HIKESHI: variants seen among roughly 807,000 people sequenced by gnomAD.
HIKESHI encodes the protein protein Hikeshi.
In HIKESHI, 13 loss-of-function variants were observed where a neutral mutation model predicts 25.7. That is an observed-to-expected ratio of 0.51 (90% CI 0.33 to 0.80). The LOEUF is 0.80. Ranked by LOEUF, HIKESHI falls within the 30% of genes least tolerant of loss-of-function variation. The pLI is 0.02. For missense variants in HIKESHI, 174 were observed against 229.5 expected (o/e 0.76, Z 1.56); for synonymous variants, 76 against 78.7 (o/e 0.97, Z 0.18).
At chr11:86,326,979 T>C (rs1321700382) in intron 2 of HIKESHI, among the ~76,000 whole-genome samples, 1 of 152,150 alleles carries the variant, frequency 6.6e-6, no homozygotes, top group Non-Finnish European at 1.5e-5. Flanking sequence ...TAGTCCTAAC[T>C]ACTCGGGAGG....
Position 86,342,478 on chromosome 11 carries a change from CGTGTGTGTGTGTGTGTGTGTGT to C in HIKESHI, c.421-2102_421-2081del, listed in dbSNP as rs34980731. 3.0e-3 allele frequency among the ~76,000 whole-genome samples: 443 copies of C among 147,356 alleles called. 3 individuals are homozygous for C. The highest frequency in any genetic ancestry group is 5.3e-3 in the Non-Finnish European group (351 of 66,544). Reference sequence around the variant, plus strand: ...TGATATGTAAAGATATAAAGATGTTCGTGTGTGTGTGTGTGTGTGTGTGTGTGTGTGTGTGTGTGTGTGTAGA... The same window carrying C: ...TGATATGTAAAGATATAAAGATGTTCGTGTGTGTGTGTGTGTGTGTGTAGA... On this transcript the variant is annotated intron_variant, in intron 3 of 4. Coordinates refer to ENST00000278483, the MANE Select transcript of HIKESHI (RefSeq NM_016401.4).
rs1946623356 is a variant in HIKESHI, at chr11:86,306,356, G to A, written c.142G>A (p.Glu48Lys). The change falls in exon 2 of 5, where the codon GAG becomes AAG. Residue 48 changes from glutamate (E) to lysine (K), a missense_variant. Coordinates refer to ENST00000278483, the MANE Select transcript of HIKESHI (RefSeq NM_016401.4). Reference protein sequence around the residue: ...VFMLGTIPFPEGMGGSVYFSY... With the variant: ...VFMLGTIPFPKGMGGSVYFSY... ...TATGCTGGGAACAATCCCATTTCCTGAGGGAATGGGAGGATCTGTCTACTT... is the reference window on the plus strand; with the variant it reads ...TATGCTGGGAACAATCCCATTTCCTAAGGGAATGGGAGGATCTGTCTACTT... 5 of 1,611,334 alleles carry A rather than the reference G, an allele frequency of 3.1e-6. No individual in the cohort carries two copies. The highest frequency in any genetic ancestry group is 4.2e-6 in the Non-Finnish European group (5 of 1,177,424).
At chr11:86,335,799 A>T (rs545478563) in intron 2 of HIKESHI, among the ~76,000 whole-genome samples, 9 of 152,360 alleles carry the variant, frequency 5.9e-5, no homozygotes, top group African/African-American at 2.2e-4. Context: ...CAGCAACAAC[A>T]AACCCCTAGA....
chr11:86,311,598 C>G (rs291204), intron 2 of HIKESHI, among the ~76,000 whole-genome samples: 94,175 of 151,898 alleles, frequency 0.62, 29,379 homozygotes, highest in East Asian at 0.79. Context: ...TTGCCTTCTG[C>G]TAGCTTTTGA....
At chr11:86,321,394 C>T (rs758680909) in intron 2 of HIKESHI, among the ~76,000 whole-genome samples, 11 of 152,140 alleles carry the variant, frequency 7.2e-5, no homozygotes, top group African/African-American at 9.7e-5. Flanking sequence ...AACAGTTGTC[C>T]GCAAATCTTT....
rs1565746825 is a variant in HIKESHI, at chr11:86,344,741, T to C, written c.539+20T>C. ...GAAATGGTATGAGGCATTTTCTGTC[T>C]CCAATATTAAGGCTTTTTATAACTG... is the stretch of plus-strand genomic sequence containing the variant. On this transcript the variant is annotated intron_variant, in intron 4 of 4. Coordinates refer to ENST00000278483, the MANE Select transcript of HIKESHI (RefSeq NM_016401.4). 1.4e-6 allele frequency: 2 copies of C among 1,475,200 alleles called. No individual in the cohort carries two copies. The highest frequency in any genetic ancestry group is 1.9e-6 in the Non-Finnish European group (2 of 1,056,750). The allele number at this position is 1,475,200 out of a possible 1,614,324, so 91.4% of individuals were successfully genotyped here. A position where few individuals can be genotyped will look rare whatever the true frequency, so the allele number is the denominator to read the frequency against.
At chr11:86,344,343 TA>T in intron 3 of HIKESHI, 1 of 336,700 alleles carries the variant, frequency 3.0e-6, no homozygotes, top group Non-Finnish European at 5.3e-6. Context: ...TATTTAATTT[TA>T]TTTTTTTGAC....
chr11:86,338,802 G>A (rs1310438711), intron 3 of HIKESHI, among the ~76,000 whole-genome samples: 2 of 151,978 alleles, frequency 1.3e-5, no homozygotes, highest in Non-Finnish European at 1.5e-5. Flanking sequence ...TAAAATAATC[G>A]TAGTATCCTG....
intron 2 of HIKESHI, among the ~76,000 whole-genome samples, chr11:86,336,978 C>G (rs1947580831): frequency 6.6e-6 from 1 of 151,256 alleles, no homozygotes; most frequent in Non-Finnish European, 1.5e-5. Context: ...ATTATATACT[C>G]AGCAAAACTG....
intron 2 of HIKESHI, among the ~76,000 whole-genome samples, chr11:86,318,008 G>A (rs1205586840): frequency 6.6e-6 from 1 of 152,004 alleles, no homozygotes; most frequent in Non-Finnish European, 1.5e-5. Context: ...TTCAAGAGTA[G>A]ATTGAAATCC....
intron 1 of HIKESHI, 134 bp downstream of exon 1, chr11:86,302,612 G>C (rs1946526269): frequency 2.0e-6 from 2 of 990,496 alleles, no homozygotes; most frequent in Non-Finnish European, 3.0e-6. Context: ...TGTGAGGATG[G>C]AGCGTGGGAA....
intron 2 of HIKESHI, 50 bp downstream of exon 2, chr11:86,306,532 T>A: frequency 9.1e-7 from 1 of 1,102,156 alleles, no homozygotes; most frequent in Non-Finnish European, 1.3e-6. Flanking sequence ...ACTTTTTTCT[T>A]AAATAGCATA....
chr11:86,326,474 T>A (rs1947285623), intron 2 of HIKESHI: 1 of 455,264 alleles, frequency 2.2e-6, no homozygotes, highest in East Asian at 6.9e-5. Context: ...AAATTTTCTG[T>A]TTATGTAGTG....
chr11:86,333,490 G>A (rs1593860119), intron 2 of HIKESHI, among the ~76,000 whole-genome samples: 4 of 151,280 alleles, frequency 2.6e-5, no homozygotes, highest in South Asian at 2.1e-4. Context: ...AGCCAAGATC[G>A]TCCTACCGCA....
intron 1 of HIKESHI, among the ~76,000 whole-genome samples, chr11:86,305,772 C>T (rs902961073): frequency 6.6e-6 from 1 of 151,612 alleles, no homozygotes; most frequent in African/African-American, 2.4e-5. Context: ...GACAGTTTTG[C>T]TCTTGTTGCC....
At chr11:86,321,517 A>T (rs192935698) in intron 2 of HIKESHI, among the ~76,000 whole-genome samples, 3 of 150,778 alleles carry the variant, frequency 2.0e-5, no homozygotes, top group Admixed American at 1.3e-4. Context: ...ACGTTCCAAC[A>T]TGGTTGTTTT....
chr11:86,319,620 C>T (rs1327239052), intron 2 of HIKESHI, among the ~76,000 whole-genome samples: 1 of 98,922 alleles, frequency 1.0e-5, no homozygotes, highest in East Asian at 5.1e-4. Flanking sequence ...TCAATGGTCT[C>T]AAAAGTTTTA....
chr11:86,308,020 ATAT>A (rs1434157949), intron 2 of HIKESHI, among the ~76,000 whole-genome samples: 63 of 114,236 alleles, frequency 5.5e-4, no homozygotes, highest in African/African-American at 1.5e-3. Flanking sequence ...TGTAATATAC[ATAT>A]TATAAATATA....
intron 2 of HIKESHI, among the ~76,000 whole-genome samples, chr11:86,330,811 C>T (rs1947402071): frequency 6.6e-6 from 1 of 152,116 alleles, no homozygotes; most frequent in African/African-American, 2.4e-5. Context: ...AATTTCTAGC[C>T]TTAGCAGTAT....
Sources: allele counts gnomAD v4.1 joint callset (sites outside exome capture counted in the v4.1 genomes callset), GRCh38; gene constraint gnomAD v4.1.1; transcripts MANE v1.5; gene names NCBI Gene and HGNC (gene_info 2026-07-23, HGNC 2026-07-21).